The following PPP4R1 variants were observed in gnomAD, a reference collection of about 807,000 sequenced individuals.
The protein encoded by PPP4R1 is protein phosphatase 4 regulatory subunit 1.
PPP4R1 carries 42 observed loss-of-function variants against 111.2 expected under a neutral mutation model. The observed-to-expected ratio is 0.38, with a 90% CI of 0.29 to 0.49. The LOEUF (loss-of-function observed/expected upper bound fraction) is 0.49. Among genes scored for constraint, PPP4R1 ranks in the 20% least tolerant of loss-of-function variants. PPP4R1 has a pLI of 0.97. For synonymous variants in PPP4R1, 409 were observed against 405.5 expected (o/e 1.01, Z -0.10); for missense variants, 1,012 against 1,161.6 (o/e 0.87, Z 1.87).
chr18:9,579,276 A>T (rs559834167), intron 9 of PPP4R1, among the ~76,000 whole-genome samples: 2 of 152,348 alleles, frequency 1.3e-5, no homozygotes, highest in South Asian at 4.1e-4. Context: ...AGTTTCAATG[A>T]CTTTAAGAAA....
At chr18:9,606,072 T>A (rs1432476743) in intron 2 of PPP4R1, among the ~76,000 whole-genome samples, 1 of 152,228 alleles carries the variant, frequency 6.6e-6, no homozygotes, top group Admixed American at 6.5e-5. Context: ...AATAACAAGT[T>A]TAATTAAAAA....
At chr18:9,567,211 T>A (rs557399355) in intron 11 of PPP4R1, among the ~76,000 whole-genome samples, 1 of 152,118 alleles carries the variant, frequency 6.6e-6, no homozygotes, top group Non-Finnish European at 1.5e-5. Context: ...AGAAGGTAAT[T>A]TCAACCCTCA....
intron 5 of PPP4R1, 97 bp downstream of exon 5, chr18:9,588,614 A>C: frequency 8.0e-7 from 1 of 1,245,458 alleles, no homozygotes; most frequent in South Asian, 1.6e-5. Flanking sequence ...TTTTTGAAAA[A>C]CAGTAAAACA....
In PPP4R1 at chr18:9,614,363, G is replaced by T. The variant is rs2067650286; in HGVS notation, c.8-93C>A. 1 of 1,023,204 alleles carries T rather than the reference G, an allele frequency of 9.8e-7. No homozygotes were observed. Among genetic ancestry groups the T allele is most frequent in the Non-Finnish European group, 1.2e-6 (1 of 850,364 alleles). 63.4% of individuals were successfully genotyped at this position (1,023,204 alleles called of 1,614,324 possible). On this transcript the variant is annotated intron_variant, in intron 1 of 19. Coordinates refer to ENST00000400556, the MANE Select transcript of PPP4R1 (RefSeq NM_001042388.3). The surrounding 1 kb of genome is among the most constrained non-coding windows in gnomAD (Gnocchi z 4.1). The stretch of plus-strand genomic sequence containing the variant: ...CCCGCCTCCCCCCCGCCCCGGGGGC[G>T]CCTTCCCGCGCCGGGACCCCACGCC...
intron 10 of PPP4R1, among the ~76,000 whole-genome samples, chr18:9,571,104 T>C (rs189156383): frequency 6.6e-6 from 1 of 152,190 alleles, no homozygotes; most frequent in East Asian, 1.9e-4. Flanking sequence ...CAACGACATA[T>C]TGCAAAGCTG....
chr18:9,558,883 C>T (rs2066629810), intron 14 of PPP4R1, among the ~76,000 whole-genome samples: 1 of 151,974 alleles, frequency 6.6e-6, no homozygotes, highest in African/African-American at 2.4e-5. Flanking sequence ...CAAGGGTTTA[C>T]CTTGTGTGTT....
At chr18:9,567,532 T>G (rs1050936063) in intron 11 of PPP4R1, among the ~76,000 whole-genome samples, 1 of 152,136 alleles carries the variant, frequency 6.6e-6, no homozygotes, top group African/African-American at 2.4e-5. Flanking sequence ...CTGACCAAAC[T>G]TGAACAAATG....
chr18:9,546,916 ATCT>A lies in PPP4R1; in HGVS notation c.*870_*872del, dbSNP rs2066410874. 1 of 152,174 alleles carries A rather than the reference ATCT, an allele frequency of 6.6e-6. No homozygotes were observed. The highest frequency in any genetic ancestry group is 2.1e-4 in the South Asian group (1 of 4,820). 9.4% of individuals were successfully genotyped at this position (152,174 alleles called of 1,614,324 possible). ...AAAGTGTATATATCTCTCTCTATAG[ATCT>A]TATTAATAAATTTTATTTGGACAAG... On this transcript the variant is annotated 3_prime_UTR_variant, in exon 20 of 20. Transcript: ENST00000400556.
intron 16 of PPP4R1, chr18:9,551,407 G>A (rs2066485970): frequency 6.6e-6 from 1 of 152,392 alleles, no homozygotes; most frequent in Non-Finnish European, 1.5e-5. Context: ...CCCAGGGCCA[G>A]ATGGTGGCTG....
At chr18:9,559,267 G>A in intron 14 of PPP4R1, 152 bp downstream of exon 14, 1 of 735,276 alleles carries the variant, frequency 1.4e-6, no homozygotes, top group Non-Finnish European at 2.0e-6. Context: ...AAAAGAACAT[G>A]CTCTGTTATT....
chr18:9,556,118 G>A (rs1438348854), intron 15 of PPP4R1, among the ~76,000 whole-genome samples: 1 of 148,882 alleles, frequency 6.7e-6, no homozygotes, highest in Non-Finnish European at 1.5e-5. Context: ...CCAAGATCCT[G>A]CCACTGCACT....
chr18:9,562,378 G>A (rs748317614), intron 12 of PPP4R1, among the ~76,000 whole-genome samples: 1 of 152,150 alleles, frequency 6.6e-6, no homozygotes, highest in Non-Finnish European at 1.5e-5. Context: ...ATAGTACTGA[G>A]AGGATTCTTT....
chr18:9,579,731 G>GT (rs750567608), intron 9 of PPP4R1, among the ~76,000 whole-genome samples: 1 of 152,170 alleles, frequency 6.6e-6, no homozygotes, highest in Non-Finnish European at 1.5e-5. Flanking sequence ...AAATAATAGA[G>GT]TAACAATTAC....
chr18:9,563,302 G>T, intron 12 of PPP4R1, 76 bp downstream of exon 12: 1 of 1,357,938 alleles, frequency 7.4e-7, no homozygotes, highest in Non-Finnish European at 9.9e-7. Context: ...AAAGTGATTA[G>T]CTACAACTAT....
Position 9,614,306 on chromosome 18 carries a change from GC to G in PPP4R1, c.8-37del. 2 of 1,200,636 alleles carry G rather than the reference GC, an allele frequency of 1.7e-6. No homozygotes were observed. The highest frequency in any genetic ancestry group is 2.1e-6 in the Non-Finnish European group (2 of 958,514). 74.4% of individuals were successfully genotyped at this position (1,200,636 alleles called of 1,614,324 possible). On this transcript the variant is annotated intron_variant, in intron 1 of 19. Coordinates refer to ENST00000400556, the MANE Select transcript of PPP4R1 (RefSeq NM_001042388.3). This position sits in a 1 kb window ranked among gnomAD's most constrained non-coding sequence, Gnocchi z 4.1. ...GGGAGAGAAGAAAGGCCCGGTCAGC[GC>G]CCCGGGGCCCGGCGCGACGCCCCCC... is the stretch of plus-strand genomic sequence containing the variant.
chr18:9,579,415 G>T (rs2066988919), intron 9 of PPP4R1, among the ~76,000 whole-genome samples: 1 of 151,884 alleles, frequency 6.6e-6, no homozygotes, highest in Non-Finnish European at 1.5e-5. Context: ...TTTTGAGAAG[G>T]GACAATACAG....
chr18:9,614,823 G>T (rs1462164890), upstream of PPP4R1: 1 of 149,426 alleles, frequency 6.7e-6, no homozygotes, highest in Admixed American at 6.7e-5. The surrounding 1 kb of genome is among the most constrained non-coding windows in gnomAD (Gnocchi z 4.1). Flanking sequence ...CCCTCACGCC[G>T]AGCGCTGCGG....
intron 16 of PPP4R1, chr18:9,550,927 C>G (rs1410454959): frequency 6.5e-6 from 1 of 152,706 alleles, no homozygotes; most frequent in South Asian, 2.1e-4. Flanking sequence ...ATCTACCAAG[C>G]TAACCTGAAA....
chr18:9,580,976 C>T (rs1202731147), intron 9 of PPP4R1, among the ~76,000 whole-genome samples: 1 of 152,198 alleles, frequency 6.6e-6, no homozygotes, highest in Non-Finnish European at 1.5e-5. Flanking sequence ...CCCTGTCATA[C>T]CAGGGTGGCT....
Sources: gnomAD v4.1 joint callset for allele counts (sites outside exome capture counted in the v4.1 genomes callset) on GRCh38, gnomAD v4.1.1 for gene constraint, Gnocchi (gnomAD v3.1) non-coding constraint, MANE v1.5 for transcripts, NCBI Gene and HGNC (gene_info 2026-07-23, HGNC 2026-07-21) for gene names.